The following PRKCZ variants were observed in gnomAD, a reference collection of about 807,000 sequenced individuals.
The protein encoded by PRKCZ is protein kinase C zeta.
A neutral mutation model predicts 79.5 loss-of-function variants in PRKCZ; 33 were observed. The observed-to-expected ratio is 0.41, with a 90% CI of 0.31 to 0.55. The LOEUF is 0.55. Among genes scored for constraint, PRKCZ ranks in the 20% least tolerant of loss-of-function variants. The pLI is 0.19. For synonymous variants in PRKCZ, 342 were observed against 320.9 expected (o/e 1.07, Z -0.70); for missense variants, 578 against 813.5 (o/e 0.71, Z 3.52).
At chr1:2,161,615 G>A (rs1682327004) in intron 10 of PRKCZ, among the ~76,000 whole-genome samples, 2 of 152,196 alleles carry the variant, frequency 1.3e-5, no homozygotes, top group African/African-American at 2.4e-5. Flanking sequence ...TTCTAATCGG[G>A]AGGCACTGGC....
At chr1:2,093,815 G>A (rs1288329984) in intron 4 of PRKCZ, among the ~76,000 whole-genome samples, 1 of 152,028 alleles carries the variant, frequency 6.6e-6, no homozygotes, top group Non-Finnish European at 1.5e-5. Flanking sequence ...GCCTGTGCTT[G>A]GAGCTGCATC....
chr1:2,105,556 T>C (rs1668244680), intron 4 of PRKCZ, among the ~76,000 whole-genome samples: 2 of 152,110 alleles, frequency 1.3e-5, no homozygotes, highest in Non-Finnish European at 2.9e-5. Flanking sequence ...CCTGCCACCA[T>C]GCGCAGCTAA....
intron 1 of PRKCZ, among the ~76,000 whole-genome samples, chr1:2,052,596 C>T: frequency 6.6e-6 from 1 of 152,052 alleles, no homozygotes; most frequent in East Asian, 1.9e-4. Flanking sequence ...CCTCCCAGGT[C>T]CTCCTCCTCT....
chr1:2,079,049 A>G (rs559935237), intron 4 of PRKCZ, among the ~76,000 whole-genome samples: 14 of 152,226 alleles, frequency 9.2e-5, no homozygotes, highest in Admixed American at 7.8e-4. Context: ...TCACCGTGTT[A>G]GCCAGGATGG....
chr1:2,090,618 G>A (rs1259207780), intron 4 of PRKCZ, among the ~76,000 whole-genome samples: 3 of 152,220 alleles, frequency 2.0e-5, no homozygotes, highest in African/African-American at 4.8e-5. Context: ...AGGAGGCCCC[G>A]TGCACATGTA....
At chr1:2,147,093 T>C (rs1015555374) in intron 7 of PRKCZ, among the ~76,000 whole-genome samples, 1 of 152,126 alleles carries the variant, frequency 6.6e-6, no homozygotes, top group African/African-American at 2.4e-5. Context: ...TCTCCATCTA[T>C]CCATGTATCT....
intron 4 of PRKCZ, among the ~76,000 whole-genome samples, chr1:2,120,592 G>A (rs966697482): frequency 6.6e-6 from 1 of 151,726 alleles, no homozygotes; most frequent in Non-Finnish European, 1.5e-5. Flanking sequence ...CACCGTGCCC[G>A]GCCAGCCCTT....
chr1:2,090,775 G>T (rs538567869), intron 4 of PRKCZ, among the ~76,000 whole-genome samples: 23 of 152,352 alleles, frequency 1.5e-4, no homozygotes, highest in South Asian at 2.1e-4. Flanking sequence ...CCACAATCTG[G>T]GAGGCCATGG....
intron 10 of PRKCZ, among the ~76,000 whole-genome samples, chr1:2,163,816 G>A (rs532810089): frequency 4.6e-5 from 7 of 152,104 alleles, no homozygotes; most frequent in South Asian, 2.1e-4. Context: ...GGAGAATGGC[G>A]TGAACCCGGG....
Position 2,086,814 on chromosome 1 carries a change from G to A in PRKCZ, c.334+27223G>A, listed in dbSNP as rs72921260. Among the ~76,000 whole-genome samples, 1,316 of 152,316 alleles carry A rather than the reference G, an allele frequency of 8.6e-3. 22 individuals are homozygous for A. Among genetic ancestry groups the A allele is most frequent in the African/African-American group, 0.029 (1,189 of 41,558 alleles). ...CTGCACAGCGTGAGCCTGTTCGCTCGTGTGCTCTGCCTTCGAATGCGGATG... is the reference window on the plus strand; with the variant it reads ...CTGCACAGCGTGAGCCTGTTCGCTCATGTGCTCTGCCTTCGAATGCGGATG... On this transcript the variant is annotated intron_variant, in intron 4 of 17. Coordinates refer to ENST00000378567, the MANE Select transcript of PRKCZ (RefSeq NM_002744.6).
Position 2,155,718 on chromosome 1 carries a change from C to T in PRKCZ, c.877-277C>T, listed in dbSNP as rs144287646. 3.3e-3 allele frequency among the ~76,000 whole-genome samples: 420 copies of T among 126,528 alleles called. 1 individual carries two copies. The highest frequency in any genetic ancestry group is 0.012 in the African/African-American group (392 of 31,898). The allele number at this position is 126,528 out of a possible 152,430, so 83.0% of individuals were successfully genotyped here. A position where few individuals can be genotyped will look rare whatever the true frequency, so the allele number is the denominator to read the frequency against. Reference sequence around the variant, plus strand: ...ATGATGACGGTAATGGTGACAGTGACGATGATAGTGGGGGGTGGGGGTAGG... The same window carrying T: ...ATGATGACGGTAATGGTGACAGTGATGATGATAGTGGGGGGTGGGGGTAGG... On this transcript the variant is annotated intron_variant, in intron 9 of 17. Transcript: ENST00000378567.
At chr1:2,058,307 T>G (rs1161511506) in intron 3 of PRKCZ, among the ~76,000 whole-genome samples, 3 of 103,006 alleles carry the variant, frequency 2.9e-5, no homozygotes, top group African/African-American at 2.9e-4. Context: ...CCGGCCCCAA[T>G]TTTTTTTTTT....
upstream of PRKCZ, among the ~76,000 whole-genome samples, chr1:2,050,281 C>A (rs528478823): frequency 2.9e-4 from 44 of 151,824 alleles, no homozygotes; most frequent in Admixed American, 1.4e-3. Context: ...CATTGGGCCG[C>A]GGCCGGGTGT....
At chr1:2,055,802 G>T in intron 2 of PRKCZ, 1 of 495,188 alleles carries the variant, frequency 2.0e-6, no homozygotes, top group Non-Finnish European at 3.5e-6. Context: ...TGCCTGCAGG[G>T]GGTCTCCCTG....
chr1:2,120,297 T>G (rs74647339), intron 4 of PRKCZ, among the ~76,000 whole-genome samples: 2 of 120,546 alleles, frequency 1.7e-5, no homozygotes, highest in African/African-American at 6.3e-5. Flanking sequence ...CTTTTCGTTT[T>G]TTTTTTTTTT....
intron 4 of PRKCZ, among the ~76,000 whole-genome samples, chr1:2,098,970 C>T (rs183702044): frequency 9.2e-5 from 14 of 152,276 alleles, no homozygotes; most frequent in Admixed American, 3.3e-4. Flanking sequence ...CGTGAGCCAC[C>T]GCGCCGGGCC....
intron 3 of PRKCZ, among the ~76,000 whole-genome samples, chr1:2,058,719 A>C (rs1660410220): frequency 6.6e-6 from 1 of 151,376 alleles, no homozygotes; most frequent in East Asian, 2.0e-4. Context: ...AACATGGTGA[A>C]ACCCCATCTC....
intron 4 of PRKCZ, among the ~76,000 whole-genome samples, chr1:2,121,282 G>A (rs1418894836): frequency 6.6e-6 from 1 of 152,202 alleles, no homozygotes; most frequent in Non-Finnish European, 1.5e-5. Flanking sequence ...TCCTCCTGAG[G>A]CCAAGTTCCT....
intron 4 of PRKCZ, among the ~76,000 whole-genome samples, chr1:2,064,388 G>GT (rs1214684973): frequency 6.6e-6 from 1 of 152,126 alleles, no homozygotes; most frequent in African/African-American, 2.4e-5. Context: ...CCTGCTTAAT[G>GT]TTTTTTTCTT....
Sources: gnomAD v4.1 joint callset for allele counts (sites outside exome capture counted in the v4.1 genomes callset) on GRCh38, gnomAD v4.1.1 for gene constraint, MANE v1.5 for transcripts, NCBI Gene and HGNC (gene_info 2026-07-23, HGNC 2026-07-21) for gene names.